CTR9: variants seen among roughly 807,000 people sequenced by gnomAD.
The protein encoded by CTR9 is RNA polymerase-associated protein CTR9 homolog.
Under a neutral mutation model 152.1 loss-of-function variants are expected in CTR9, and 41 were observed. The observed-to-expected ratio is 0.27, with a 90% CI of 0.21 to 0.35. The LOEUF is 0.35. Among genes scored for constraint, CTR9 ranks in the 10% least tolerant of loss-of-function variants. The pLI is 1.00. For synonymous variants in CTR9, 476 were observed against 496.2 expected, an observed-to-expected ratio of 0.96 and a Z score of 0.54; for missense variants, 917 against 1,424.4, an observed-to-expected ratio of 0.64 and a Z score of 5.73.
intron 24 of CTR9, 97 bp from the exon 25 acceptor site, chr11:10,778,582 T>G: frequency 8.9e-7 from 1 of 1,119,664 alleles, no homozygotes; most frequent in Non-Finnish European, 1.3e-6. Context: ...AGAAATAGAA[T>G]ATTAAATGCC....
intron 16 of CTR9, among the ~76,000 whole-genome samples, chr11:10,769,621 T>G (rs561253814): frequency 2.1e-4 from 32 of 152,312 alleles, no homozygotes; most frequent in African/African-American, 7.2e-4. Flanking sequence ...AAATGCAAAT[T>G]AACTACTAGG....
Position 10,752,784 on chromosome 11 carries a change from T to C in CTR9, c.144+14T>C, listed in dbSNP as rs1282622208. 1.9e-6 allele frequency: 3 copies of C among 1,594,446 alleles called. 1 individual carries two copies. In the South Asian group the frequency reaches 3.4e-5, roughly 18 times the overall value. On this transcript the variant is annotated intron_variant, in intron 2 of 24. Coordinates refer to ENST00000361367, the MANE Select transcript of CTR9 (RefSeq NM_014633.5). ...ATTGCTTTGGCGGTCAGTATTCATG[T>C]AGCAAATATTTTTTATTTGTTGACT...
At position 10,770,621 on chromosome 11, in the gene CTR9, G is replaced by A. The variant is rs1232956583; in HGVS notation, c.2361G>A (p.Glu787=). Residue 787 remains glutamate, a synonymous_variant, in exon 18 of 25, where the codon GAG becomes GAA. Coordinates refer to ENST00000361367, the MANE Select transcript of CTR9 (RefSeq NM_014633.5). ...TACTTAATGCTGTGAAAGAACTGGA[G>A]CTTGCACATAGGTAAAGATTTTGTA... The part of the protein sequence containing the change: ...KEVLNAVKEL[E]LAHRYFSYLS... 1 of 1,609,274 alleles carries A rather than the reference G, an allele frequency of 6.2e-7. No individual in the cohort carries two copies. The highest frequency in any genetic ancestry group is 1.1e-5 in the South Asian group (1 of 90,240).
rs751841032 is a variant in CTR9, at chr11:10,770,281, C to T, written c.2181C>T (p.Leu727=). ...TTGTACTCTATTTGGCCCGGGCCCT[C>T]TTCAAGTGTGGCAAGTTACAGGAAT... The part of the protein sequence containing the change: ...TEVVLYLARA[L]FKCGKLQECK... Residue 727 remains leucine, a synonymous_variant, in exon 17 of 25, where the codon CTC becomes CTT. Coordinates refer to ENST00000361367, the MANE Select transcript of CTR9 (RefSeq NM_014633.5). 2 of 1,613,934 alleles carry T rather than the reference C, an allele frequency of 1.2e-6. No individual in the cohort carries two copies. The highest frequency in any genetic ancestry group is 2.7e-5 in the African/African-American group (2 of 74,924).
rs1863212607 is a variant in CTR9 at position 10,775,215 on chromosome 11, A to G, written c.2894A>G (p.Lys965Arg). ...RKKKKRRRHP[K>R]GEEGSDDDET... Reference sequence around the variant, plus strand: ...GGTGTTCACTATTTAAGACATCCAAAGGGAGAAGAAGGATCTGATGATGAT... The same window carrying G: ...GGTGTTCACTATTTAAGACATCCAAGGGGAGAAGAAGGATCTGATGATGAT... Residue 965 changes from lysine (K) to arginine (R), a missense_variant, in exon 23 of 25, where the codon AAG (lysine) becomes AGG (arginine). Lys to Arg is a conservative substitution (Grantham distance 26). Transcript: ENST00000361367. 1 of 1,613,522 alleles carries G rather than the reference A, an allele frequency of 6.2e-7. No homozygotes were observed.
rs1329006834 is a variant in CTR9, at chr11:10,767,624, A to T, written c.1687-182A>T. On this transcript the variant is annotated intron_variant, in intron 13 of 24. Coordinates refer to ENST00000361367, the MANE Select transcript of CTR9 (RefSeq NM_014633.5). The surrounding 1 kb of genome is among the most constrained non-coding windows in gnomAD (Gnocchi z 4.0). Reference sequence around the variant, plus strand: ...GTGCAATTTTGTATAACTTAGCTTTAGCATTAGTAGTTCGATAAATTTGGA... The same window carrying T: ...GTGCAATTTTGTATAACTTAGCTTTTGCATTAGTAGTTCGATAAATTTGGA... 1 of 616,486 alleles carries T rather than the reference A, an allele frequency of 1.6e-6. No individual in the cohort carries two copies. The highest frequency in any genetic ancestry group is 2.9e-6 in the Non-Finnish European group (1 of 349,692). The allele number at this position is 616,486 out of a possible 1,614,324, so 38.2% of individuals were successfully genotyped here.
Position 10,778,997 on chromosome 11 carries a change from T to A in CTR9, c.3414T>A (p.Ser1138=). The A allele has an allele frequency of 6.2e-7, 1 of 1,614,144 alleles. No homozygotes were observed. The highest frequency in any genetic ancestry group is 8.5e-7 in the Non-Finnish European group (1 of 1,180,046). Residue 1138 remains serine (S), a synonymous_variant, in exon 25 of 25, where the codon TCT becomes TCA. Coordinates refer to ENST00000361367, the MANE Select transcript of CTR9 (RefSeq NM_014633.5). ...AESDHESERG[S]DNEGSGQGSG... is the part of the protein sequence containing the mutation. ...CAGATCACGAATCGGAGAGAGGATCTGATAATGAGGGTTCTGGCCAAGGCT... is the reference window on the plus strand; with the variant it reads ...CAGATCACGAATCGGAGAGAGGATCAGATAATGAGGGTTCTGGCCAAGGCT...
intron 12 of CTR9, 91 bp from the exon 13 acceptor site, chr11:10,766,311 T>C: frequency 1.1e-6 from 1 of 943,658 alleles, no homozygotes; most frequent in Non-Finnish European, 1.6e-6. Flanking sequence ...GCGGTATTAA[T>C]GAAAAAAAAT....
intron 2 of CTR9, among the ~76,000 whole-genome samples, chr11:10,754,686 ACT>A (rs1268918766): frequency 6.6e-6 from 1 of 151,916 alleles, no homozygotes; most frequent in Non-Finnish European, 1.5e-5. Context: ...CACAATATGT[ACT>A]CTTTTTTTGG....
chr11:10,775,564 A>T lies in CTR9; in HGVS notation c.3026A>T (p.Lys1009Ile). ...RLPPSMKGKI[K>I]SKAIISSSDD... is the part of the protein sequence containing the mutation. ...CCTCCATCAATGAAGGGAAAAATAAAATCCAAAGCCATAATTTCATCAAGT... is the reference window on the plus strand; with the variant it reads ...CCTCCATCAATGAAGGGAAAAATAATATCCAAAGCCATAATTTCATCAAGT... The change falls in exon 24 of 25, where the codon AAA becomes ATA. Residue 1009 changes from lysine to isoleucine, a missense_variant. Lys to Ile is a moderately radical substitution (Grantham distance 102, BLOSUM62 -3). Around this residue, in one of 9 missense-constraint regions of CTR9, gnomAD observed 384 missense variants for 398.4 expected, o/e 0.96. Coordinates refer to ENST00000361367, the MANE Select transcript of CTR9 (RefSeq NM_014633.5). The T allele has an allele frequency of 6.2e-7, 1 of 1,613,932 alleles. No homozygotes were observed. Among genetic ancestry groups the T allele is most frequent in the Non-Finnish European group, 8.5e-7 (1 of 1,179,844 alleles).
rs779777015 is a variant in CTR9, at chr11:10,775,524, A to G, written c.2986A>G (p.Lys996Glu). The change falls in exon 24 of 25, where the codon AAG becomes GAG. Residue 996 changes from lysine (K) to glutamate (E), a missense_variant. This residue lies in a region of CTR9 where 384 missense variants were observed against 398.4 expected (regional missense o/e 0.96). Transcript: ENST00000361367. ...TATTATGTTTGACATTCTTTAGCCC[A>G]AGCCAGAACGTCTGCCTCCATCAAT... ...PPKAEKKKAP[K>E]PERLPPSMKG... The G allele has an allele frequency of 1.2e-6, 2 of 1,611,884 alleles. No individual in the cohort carries two copies. Among genetic ancestry groups the G allele is most frequent in the Non-Finnish European group, 1.7e-6 (2 of 1,178,572 alleles).
At chr11:10,759,482 G>A (rs540116829) in intron 5 of CTR9, among the ~76,000 whole-genome samples, 12 of 152,266 alleles carry the variant, frequency 7.9e-5, no homozygotes, top group African/African-American at 2.9e-4. Context: ...GGAAGGAAGG[G>A]AATTAGACAT....
chr11:10,763,483 T>A lies in CTR9; in HGVS notation c.902T>A (p.Val301Glu), dbSNP rs1171641514. 1.2e-6 allele frequency: 2 copies of A among 1,612,152 alleles called. No homozygotes were observed. Among genetic ancestry groups the A allele is most frequent in the Non-Finnish European group, 1.7e-6 (2 of 1,179,562 alleles). Residue 301 changes from valine (V) to glutamate (E), a missense_variant, in exon 8 of 25, where the codon GTG becomes GAG. Around this residue, in one of 9 missense-constraint regions of CTR9, gnomAD observed 16 missense variants for 67.4 expected, o/e 0.24. Coordinates refer to ENST00000361367, the MANE Select transcript of CTR9 (RefSeq NM_014633.5). ...LALHAFHNTE[V>E]EAMQAESCYQ... ...CTCCATGCATTCCATAATACAGAAGTGGAAGCTATGCAAGCAGAGAGCTGC... is the reference window on the plus strand; with the variant it reads ...CTCCATGCATTCCATAATACAGAAGAGGAAGCTATGCAAGCAGAGAGCTGC...
chr11:10,764,229 C>A (rs757130072), intron 10 of CTR9, 28 bp downstream of exon 10: 117 of 1,612,824 alleles, frequency 7.3e-5, no homozygotes, highest in Non-Finnish European at 9.8e-5. Context: ...TTTAATCTCT[C>A]ATATGATGTG....
chr11:10,775,663 T>G lies in CTR9; in HGVS notation c.3095+30T>G. The G allele has an allele frequency of 4.2e-6, 6 of 1,434,446 alleles. No homozygotes were observed. The South Asian group carries it at 4.7e-5, about 11-fold the overall frequency. The allele number at this position is 1,434,446 out of a possible 1,614,324, so 88.9% of individuals were successfully genotyped here. On this transcript the variant is annotated intron_variant, in intron 24 of 24. Transcript: ENST00000361367. Reference sequence around the variant, plus strand: ...GATATTTTCTCTTTGTAAATTCTTCTCATGATGTAGATAAATCAAAAGTGA... The same window carrying G: ...GATATTTTCTCTTTGTAAATTCTTCGCATGATGTAGATAAATCAAAAGTGA...
Position 10,773,290 on chromosome 11 carries a change from GCTAGCACAAGTGACCT to G in CTR9, c.2727+19_2727+34del. The stretch of plus-strand genomic sequence containing the variant: ...GGTGGACGGGTAAGATATAATTCCT[GCTAGCACAAGTGACCT>G]CATTCTCTGTCTTTTGGCTTTGAGA... On this transcript the variant is annotated intron_variant, in intron 21 of 24. Transcript: ENST00000361367. 1 of 1,605,892 alleles carries G rather than the reference GCTAGCACAAGTGACCT, an allele frequency of 6.2e-7. No individual in the cohort carries two copies. Among genetic ancestry groups the G allele is most frequent in the East Asian group, 2.2e-5 (1 of 44,816 alleles).
chr11:10,770,434 A>G, intron 17 of CTR9, 53 bp from the exon 18 acceptor site: 4 of 1,595,480 alleles, frequency 2.5e-6, no homozygotes, highest in Non-Finnish European at 2.6e-6. Context: ...TCTGCTGTCT[A>G]AGATCCTTTT....
In CTR9 at chr11:10,770,343, T is replaced by A; in HGVS notation, c.2226+17T>A. The A allele has an allele frequency of 6.2e-7, 1 of 1,603,712 alleles. No individual in the cohort carries two copies. The highest frequency in any genetic ancestry group is 1.1e-5 in the South Asian group (1 of 90,054). ...TTGCTGAAGGTAAAAAGGAGAGATGTTATTCCCATCCATTTCTGTGCTACA... is the reference window on the plus strand; with the variant it reads ...TTGCTGAAGGTAAAAAGGAGAGATGATATTCCCATCCATTTCTGTGCTACA... On this transcript the variant is annotated intron_variant, in intron 17 of 24. Coordinates refer to ENST00000361367, the MANE Select transcript of CTR9 (RefSeq NM_014633.5).
At chr11:10,761,480 C>G (rs117218512) in intron 6 of CTR9, among the ~76,000 whole-genome samples, 2,390 of 152,148 alleles carry the variant, frequency 0.016, 41 homozygotes, top group Middle Eastern at 0.027. Flanking sequence ...CATGGTGGCT[C>G]TCACCTATAA....
Sources: gnomAD v4.1 joint callset for allele counts (sites outside exome capture counted in the v4.1 genomes callset) on GRCh38, gnomAD v4.1.1 for gene constraint, gnomAD v4.1.1 regional missense constraint, Gnocchi (gnomAD v3.1) non-coding constraint, MANE v1.5 for transcripts, NCBI Gene and HGNC (gene_info 2026-07-23, HGNC 2026-07-21) for gene names.